ZEB1: variants seen among roughly 807,000 people sequenced by gnomAD.
ZEB1 encodes the protein zinc finger E-box-binding homeobox 1.
ZEB1 carries 21 observed loss-of-function variants against 84.9 expected under a neutral mutation model. The ratio of observed to expected loss-of-function variants is 0.25; its 90% confidence interval spans 0.18 to 0.36. The LOEUF (loss-of-function observed/expected upper bound fraction) is 0.36. ZEB1 is among the 10% of genes least tolerant of loss of function. The probability of loss-of-function intolerance (pLI) is 1.00; values close to 1 mark genes in which losing one functional copy is unlikely to be tolerated. For synonymous variants in ZEB1, 420 were observed against 471.1 expected (o/e 0.89, Z 1.41); for missense variants, 1,104 against 1,330.2 (o/e 0.83, Z 2.65).
intron 4 of ZEB1, among the ~76,000 whole-genome samples, chr10:31,502,814 T>C (rs1157702799): frequency 2.0e-5 from 3 of 152,340 alleles, no homozygotes; most frequent in Admixed American, 2.0e-4. Flanking sequence ...ACTATACCTT[T>C]ACTGCCCTTT....
chr10:31,475,573 C>A (rs1024561162), intron 2 of ZEB1, among the ~76,000 whole-genome samples: 2 of 152,230 alleles, frequency 1.3e-5, no homozygotes, highest in African/African-American at 4.8e-5. Flanking sequence ...ATGAAGGAAG[C>A]TCATCAACCT....
At chr10:31,493,804 A>G (rs1591831560) in intron 2 of ZEB1, among the ~76,000 whole-genome samples, 1 of 151,984 alleles carries the variant, frequency 6.6e-6, no homozygotes, top group Non-Finnish European at 1.5e-5. Flanking sequence ...ATAATGAGGG[A>G]AAAAAATATA....
chr10:31,417,052 A>T (rs535514012), intron 1 of ZEB1, among the ~76,000 whole-genome samples: 2 of 152,106 alleles, frequency 1.3e-5, no homozygotes, highest in Non-Finnish European at 2.9e-5. Flanking sequence ...TCATGAACTT[A>T]TTTATTCAGC....
chr10:31,449,804 A>G (rs549966919), intron 1 of ZEB1, among the ~76,000 whole-genome samples: 1 of 152,312 alleles, frequency 6.6e-6, no homozygotes, highest in East Asian at 1.9e-4. Context: ...TTGTTTTCTC[A>G]GATAATAATA....
intron 1 of ZEB1, among the ~76,000 whole-genome samples, chr10:31,394,559 C>G (rs781602646): frequency 6.6e-6 from 1 of 152,182 alleles, no homozygotes; most frequent in Non-Finnish European, 1.5e-5. Flanking sequence ...CTCTTGCCCA[C>G]CAAGGGAGAC....
Position 31,430,836 on chromosome 10 carries a change from G to A in ZEB1, c.59-30201G>A, listed in dbSNP as rs114934207. 2.2e-3 allele frequency among the ~76,000 whole-genome samples: 328 copies of A among 152,302 alleles called. 1 individual carries two copies. The highest frequency in any genetic ancestry group is 7.6e-3 in the African/African-American group (317 of 41,580). Reference sequence around the variant, plus strand: ...GACAAAATTGAAAACAGAGGCTTTAGAAGCTAGTGTAATATAAAGTTTACA... The same window carrying A: ...GACAAAATTGAAAACAGAGGCTTTAAAAGCTAGTGTAATATAAAGTTTACA... On this transcript the variant is annotated intron_variant, in intron 1 of 8. Coordinates refer to ENST00000424869, the MANE Select transcript of ZEB1 (RefSeq NM_001174096.2).
chr10:31,465,473 T>C (rs1282798732), intron 2 of ZEB1, among the ~76,000 whole-genome samples: 1 of 151,398 alleles, frequency 6.6e-6, no homozygotes, highest in East Asian at 1.9e-4. Context: ...TATATATATA[T>C]ATAAAATATC....
At chr10:31,456,275 G>A (rs531136504) in intron 1 of ZEB1, among the ~76,000 whole-genome samples, 1 of 152,170 alleles carries the variant, frequency 6.6e-6, no homozygotes, top group Non-Finnish European at 1.5e-5. Context: ...GGGGTCTAGG[G>A]GAGAATAGCA....
chr10:31,449,579 AT>A (rs1203193109), intron 1 of ZEB1, among the ~76,000 whole-genome samples: 2 of 151,706 alleles, frequency 1.3e-5, no homozygotes, highest in African/African-American at 4.8e-5. Flanking sequence ...TAAATAATGC[AT>A]TTTCCCCCCA....
chr10:31,520,331 A>G lies in ZEB1; in HGVS notation c.999A>G (p.Ile333Met), dbSNP rs1471392809. The change falls in exon 7 of 9, where the codon ATA becomes ATG. Residue 333 changes from isoleucine to methionine, a missense_variant. Physicochemically the swap from Ile to Met is conservative, Grantham distance 10. Around this residue, in one of 7 missense-constraint regions of ZEB1, gnomAD observed 111 missense variants for 161.8 expected, o/e 0.69. Transcript: ENST00000424869. The surrounding 1 kb of genome is among the most constrained non-coding windows in gnomAD (Gnocchi z 5.1). ...SPTRPQIRQK[I>M]ENKPLQEQLS... is the part of the protein sequence containing the mutation. ...CACGACCACAGATACGGCAAAAGAT[A>G]GAGAATAAACCCCTTCAAGAACAAC... 6.2e-7 allele frequency: 1 copy of G among 1,613,860 alleles called. No individual in the cohort carries two copies. The highest frequency in any genetic ancestry group is 1.3e-5 in the African/African-American group (1 of 74,922).
chr10:31,323,796 A>T (rs1041113597), intron 1 of ZEB1, among the ~76,000 whole-genome samples: 1 of 152,038 alleles, frequency 6.6e-6, no homozygotes, highest in African/African-American at 2.4e-5. Flanking sequence ...CTCATTAGGT[A>T]GAACATTAGA....
rs762864096 is a variant in ZEB1, at chr10:31,393,181, A to T, written c.59-67856A>T. 2.0e-5 allele frequency among the ~76,000 whole-genome samples: 3 copies of T among 152,178 alleles called. No homozygotes were observed. The South Asian group carries it at 6.2e-4, about 31-fold the overall frequency. On this transcript the variant is annotated intron_variant, in intron 1 of 8. Coordinates refer to ENST00000424869, the MANE Select transcript of ZEB1 (RefSeq NM_001174096.2). ...TATTTAAATTAAATTGTGCTTAAAG[A>T]TTCTAAAATTTATAGTATAAAGCTC... is the stretch of plus-strand genomic sequence containing the variant.
At chr10:31,492,209 C>G (rs552867286) in intron 2 of ZEB1, among the ~76,000 whole-genome samples, 78 of 152,032 alleles carry the variant, frequency 5.1e-4, no homozygotes, top group Non-Finnish European at 1.0e-3. Context: ...TGACTTAAGA[C>G]TTTTCAACTT....
intron 1 of ZEB1, among the ~76,000 whole-genome samples, chr10:31,440,635 C>T (rs907212065): frequency 2.6e-5 from 4 of 152,136 alleles, no homozygotes; most frequent in Non-Finnish European, 4.4e-5. Context: ...TTGCAGATGA[C>T]ATGATTGTAT....
intron 2 of ZEB1, among the ~76,000 whole-genome samples, chr10:31,477,554 A>T (rs1335729159): frequency 6.6e-6 from 1 of 152,126 alleles, no homozygotes; most frequent in East Asian, 1.9e-4. Context: ...TAGCCAAAGC[A>T]ATCTTAAGCA....
chr10:31,427,498 T>C (rs144701149), intron 1 of ZEB1, among the ~76,000 whole-genome samples: 1 of 152,214 alleles, frequency 6.6e-6, no homozygotes, highest in East Asian at 1.9e-4. Flanking sequence ...CCACCTCCCT[T>C]GTATTTCTTC....
intron 1 of ZEB1, among the ~76,000 whole-genome samples, chr10:31,415,214 G>C (rs1360064457): frequency 6.6e-6 from 1 of 152,144 alleles, no homozygotes; most frequent in Admixed American, 6.6e-5. Flanking sequence ...GACAGAGAGA[G>C]AACAGGATTT....
intron 1 of ZEB1, among the ~76,000 whole-genome samples, chr10:31,327,489 C>T (rs2035817403): frequency 6.6e-6 from 1 of 152,168 alleles, no homozygotes; most frequent in African/African-American, 2.4e-5. Context: ...TTGCTTTTAA[C>T]CTTGCAGTAG....
intron 1 of ZEB1, chr10:31,387,910 GTCTTC>G: frequency 8.0e-6 from 2 of 249,644 alleles, no homozygotes; most frequent in Non-Finnish European, 1.3e-5. Flanking sequence ...ACTTCTTCCT[GTCTTC>G]AGGAAATGAA....
Sources: gnomAD v4.1 joint callset for allele counts (sites outside exome capture counted in the v4.1 genomes callset) on GRCh38, gnomAD v4.1.1 for gene constraint, gnomAD v4.1.1 regional missense constraint, Gnocchi (gnomAD v3.1) non-coding constraint, MANE v1.5 for transcripts, NCBI Gene and HGNC (gene_info 2026-07-23, HGNC 2026-07-21) for gene names.